The following SLC9A9 variants were observed in gnomAD, a reference collection of about 807,000 sequenced individuals.
SLC9A9 encodes solute carrier family 9 member A9, also known as sodium/hydrogen exchanger 9.
Under a neutral mutation model 77.8 loss-of-function variants are expected in SLC9A9, and 62 were observed. The ratio of observed to expected loss-of-function variants is 0.80; its 90% CI spans 0.65 to 0.98. The LOEUF (loss-of-function observed/expected upper bound fraction) is 0.98, where lower values mean the gene tolerates loss of function less well. SLC9A9 is among the 50% of genes least tolerant of loss of function. The probability of loss-of-function intolerance (pLI) is 0.00; values close to 1 mark genes in which losing one functional copy is unlikely to be tolerated. For synonymous variants in SLC9A9, 320 were observed against 283.5 expected, an observed-to-expected ratio of 1.13 and a Z score of -1.29; for missense variants, 775 against 774.9, an observed-to-expected ratio of 1.00 and a Z score of 0.00.
At chr3:143,733,687 G>A (rs767645900) in intron 4 of SLC9A9, among the ~76,000 whole-genome samples, 5 of 151,904 alleles carry the variant, frequency 3.3e-5, no homozygotes, top group Admixed American at 1.3e-4. Context: ...GAGGGCTTGC[G>A]GTATACAAAC....
At chr3:143,324,689 G>A (rs562381578) in intron 14 of SLC9A9, among the ~76,000 whole-genome samples, 8 of 152,194 alleles carry the variant, frequency 5.3e-5, no homozygotes, top group African/African-American at 1.9e-4. Context: ...GAGTATGGTG[G>A]CATGCACCTG....
At chr3:143,633,431 G>T (rs181481638) in intron 6 of SLC9A9, among the ~76,000 whole-genome samples, 2 of 151,866 alleles carry the variant, frequency 1.3e-5, no homozygotes, top group Non-Finnish European at 2.9e-5. Context: ...CAGAAACTTC[G>T]TTTTTTAACT....
chr3:143,768,168 C>T (rs2007393316), intron 4 of SLC9A9, among the ~76,000 whole-genome samples: 1 of 152,080 alleles, frequency 6.6e-6, no homozygotes, highest in Admixed American at 6.6e-5. Flanking sequence ...ACCCAGGGTA[C>T]ACATATCAGG....
At chr3:143,800,430 C>G (rs1368253818) in intron 2 of SLC9A9, among the ~76,000 whole-genome samples, 1 of 152,216 alleles carries the variant, frequency 6.6e-6, no homozygotes, top group African/African-American at 2.4e-5. Flanking sequence ...GGATCTGCGC[C>G]TTATGAACCA....
At chr3:143,421,117 A>C (rs2034290141) in intron 12 of SLC9A9, among the ~76,000 whole-genome samples, 1 of 152,174 alleles carries the variant, frequency 6.6e-6, no homozygotes, top group Non-Finnish European at 1.5e-5. Context: ...ACTACAAAAC[A>C]CTACTGAAAG....
intron 2 of SLC9A9, among the ~76,000 whole-genome samples, chr3:143,807,370 T>C (rs1202570207): frequency 6.6e-6 from 1 of 152,222 alleles, no homozygotes; most frequent in Non-Finnish European, 1.5e-5. Context: ...AATGAGCCAG[T>C]ATAACAAAAG....
intron 9 of SLC9A9, among the ~76,000 whole-genome samples, chr3:143,511,811 C>G (rs2036119712): frequency 6.6e-6 from 1 of 152,154 alleles, no homozygotes; most frequent in Non-Finnish European, 1.5e-5. Flanking sequence ...ACACTTTGGT[C>G]TTTTATCTGC....
At chr3:143,558,853 T>G (rs1363884107) in intron 8 of SLC9A9, among the ~76,000 whole-genome samples, 1 of 152,130 alleles carries the variant, frequency 6.6e-6, no homozygotes, top group Non-Finnish European at 1.5e-5. Flanking sequence ...ACATGAGATC[T>G]GGGAGGGGGC....
intron 4 of SLC9A9, among the ~76,000 whole-genome samples, chr3:143,765,419 C>A (rs1034851547): frequency 5.3e-5 from 8 of 152,104 alleles, no homozygotes; most frequent in Admixed American, 5.2e-4. Flanking sequence ...AGATGGGGAC[C>A]ATTTCGAGTG....
chr3:143,667,725 T>G (rs1348634409), intron 5 of SLC9A9, among the ~76,000 whole-genome samples: 1 of 152,046 alleles, frequency 6.6e-6, no homozygotes, highest in Non-Finnish European at 1.5e-5. Flanking sequence ...AAAAGACACA[T>G]GAAAAAATGT....
chr3:143,594,435 G>A (rs2037716607), intron 6 of SLC9A9, among the ~76,000 whole-genome samples: 1 of 151,826 alleles, frequency 6.6e-6, no homozygotes, highest in Admixed American at 6.6e-5. Context: ...TAACCTCATA[G>A]CAGAGATAAT....
chr3:143,659,048 G>A (rs73152850), intron 5 of SLC9A9, among the ~76,000 whole-genome samples: 16,517 of 152,196 alleles, frequency 0.11, 1,087 homozygotes, highest in African/African-American at 0.17. Flanking sequence ...CCATGGTGCC[G>A]TTTAATGGGG....
intron 6 of SLC9A9, among the ~76,000 whole-genome samples, chr3:143,619,366 A>ATT (rs2038159805): frequency 6.6e-6 from 1 of 152,232 alleles, no homozygotes; most frequent in South Asian, 2.1e-4. Flanking sequence ...ACTAACTAAT[A>ATT]CTTAGAAAAA....
intron 12 of SLC9A9, among the ~76,000 whole-genome samples, chr3:143,457,369 G>A (rs58936728): frequency 0.17 from 25,939 of 152,054 alleles, 3,615 homozygotes; most frequent in African/African-American, 0.38. Context: ...TTTTGTCAGC[G>A]TCACTAGAAG....
At chr3:143,347,680 C>T (rs1023465353) in intron 14 of SLC9A9, among the ~76,000 whole-genome samples, 5 of 152,152 alleles carry the variant, frequency 3.3e-5, no homozygotes, top group Non-Finnish European at 7.4e-5. Flanking sequence ...AAAAAGACCA[C>T]CAATATTGTC....
At chr3:143,731,989 C>G (rs1934816310) in intron 4 of SLC9A9, among the ~76,000 whole-genome samples, 1 of 152,206 alleles carries the variant, frequency 6.6e-6, no homozygotes, top group East Asian at 1.9e-4. Context: ...GCCTTGATGT[C>G]TTAGTCTGGT....
At chr3:143,760,634 G>A (rs1306695506) in intron 4 of SLC9A9, among the ~76,000 whole-genome samples, 3 of 152,072 alleles carry the variant, frequency 2.0e-5, no homozygotes, top group African/African-American at 7.2e-5. Context: ...CAACTTACAA[G>A]GGATGTGAAG....
At chr3:143,613,259 A>G (rs1359337814) in intron 6 of SLC9A9, among the ~76,000 whole-genome samples, 3 of 152,252 alleles carry the variant, frequency 2.0e-5, no homozygotes, top group Admixed American at 6.5e-5. Context: ...TCTTAGAATT[A>G]AACAAAAATG....
chr3:143,697,050 A>G (rs932247807), intron 4 of SLC9A9, among the ~76,000 whole-genome samples: 13 of 151,956 alleles, frequency 8.6e-5, no homozygotes, highest in African/African-American at 3.1e-4. Context: ...TGAAAAATTC[A>G]AAGCAATCTT....
Sources: gnomAD v4.1 joint callset for allele counts (sites outside exome capture counted in the v4.1 genomes callset) on GRCh38, gnomAD v4.1.1 for gene constraint, MANE v1.5 for transcripts, NCBI Gene and HGNC (gene_info 2026-07-23, HGNC 2026-07-21) for gene names.